Variants in SLC24A2 observed in about 807,000 individuals in gnomAD.
SLC24A2 encodes the protein solute carrier family 24 member 2.
In SLC24A2, 36 loss-of-function variants were observed where a neutral mutation model predicts 62.0. That is an observed-to-expected ratio of 0.58 (90% CI 0.44 to 0.77). SLC24A2 has a LOEUF of 0.77. Among genes scored for constraint, SLC24A2 ranks in the 30% least tolerant of loss-of-function variants. SLC24A2 has a pLI of 0.00. For missense variants in SLC24A2, 846 were observed against 817.9 expected (o/e 1.03, Z -0.42); for synonymous variants, 358 against 294.0 (o/e 1.22, Z -2.23).
the SLC24A2 span, among the ~76,000 whole-genome samples, chr9:19,880,002 T>A: frequency 6.6e-6 from 1 of 152,090 alleles, no homozygotes; most frequent in Non-Finnish European, 1.5e-5. Context: ...CATGAAGAAG[T>A]AAAAAAATAA....
intron 8 of SLC24A2, among the ~76,000 whole-genome samples, chr9:19,534,809 C>A (rs966016317): frequency 1.3e-5 from 2 of 152,088 alleles, no homozygotes; most frequent in African/African-American, 4.8e-5. Flanking sequence ...AATAGTGCCA[C>A]AATAAACATA....
chr9:20,179,160 T>C, the SLC24A2 span, among the ~76,000 whole-genome samples: 7 of 152,008 alleles, frequency 4.6e-5, no homozygotes, highest in African/African-American at 1.7e-4. Context: ...GAGAAGACCG[T>C]AGAAATCATG....
At chr9:20,074,105 G>A in the SLC24A2 span, among the ~76,000 whole-genome samples, 2 of 151,924 alleles carry the variant, frequency 1.3e-5, no homozygotes, top group African/African-American at 4.8e-5. Flanking sequence ...ATTCTCATTT[G>A]AAGCTCTACC....
chr9:19,989,708 A>G, the SLC24A2 span, among the ~76,000 whole-genome samples: 1 of 152,220 alleles, frequency 6.6e-6, no homozygotes, highest in African/African-American at 2.4e-5. Flanking sequence ...AAAGGAACCT[A>G]GACAACTACA....
At chr9:20,024,684 G>A in the SLC24A2 span, among the ~76,000 whole-genome samples, 1 of 152,162 alleles carries the variant, frequency 6.6e-6, no homozygotes, top group African/African-American at 2.4e-5. Context: ...GTGTTCACTT[G>A]TGTGTGCGTG....
At chr9:19,609,270 T>G (rs1000796413) in intron 4 of SLC24A2, among the ~76,000 whole-genome samples, 3 of 152,234 alleles carry the variant, frequency 2.0e-5, no homozygotes, top group African/African-American at 7.2e-5. Flanking sequence ...GAAGCCCCTC[T>G]CCTGCCCCGC....
the SLC24A2 span, among the ~76,000 whole-genome samples, chr9:20,182,637 G>C: frequency 6.6e-6 from 1 of 152,132 alleles, no homozygotes; most frequent in South Asian, 2.1e-4. Flanking sequence ...GCCTGTCGGG[G>C]CGGGGGTGCT....
At chr9:20,141,628 C>T in the SLC24A2 span, among the ~76,000 whole-genome samples, 3,310 of 151,662 alleles carry the variant, frequency 0.022, 55 homozygotes, top group South Asian at 0.076. Context: ...AGTATATCAC[C>T]ACCACACACC....
At chr9:20,239,304 T>C in the SLC24A2 span, among the ~76,000 whole-genome samples, 1 of 152,270 alleles carries the variant, frequency 6.6e-6, no homozygotes, top group African/African-American at 2.4e-5. Context: ...TGGGACATTA[T>C]AATAAAATTT....
At chr9:19,901,916 G>C in the SLC24A2 span, among the ~76,000 whole-genome samples, 1 of 152,168 alleles carries the variant, frequency 6.6e-6, no homozygotes, top group Non-Finnish European at 1.5e-5. Flanking sequence ...GCAGTGAATT[G>C]AATGTGACTG....
the SLC24A2 span, among the ~76,000 whole-genome samples, chr9:20,286,790 TC>T: frequency 1.3e-5 from 2 of 152,130 alleles, no homozygotes; most frequent in African/African-American, 4.8e-5. Context: ...AACAGGACTC[TC>T]CTGAACAAAG....
chr9:20,074,953 T>C, the SLC24A2 span, among the ~76,000 whole-genome samples: 59 of 152,288 alleles, frequency 3.9e-4, no homozygotes, highest in African/African-American at 1.3e-3. Flanking sequence ...TAATATGTTA[T>C]GGGATTTTTG....
the SLC24A2 span, among the ~76,000 whole-genome samples, chr9:19,917,501 T>A: frequency 6.6e-6 from 1 of 152,054 alleles, no homozygotes; most frequent in South Asian, 2.1e-4. Context: ...CAGTATTCAT[T>A]TACCCATCCA....
intron 2 of SLC24A2, among the ~76,000 whole-genome samples, chr9:19,747,912 C>A: frequency 6.6e-6 from 1 of 152,104 alleles, no homozygotes; most frequent in Admixed American, 6.6e-5. Flanking sequence ...AACTGAGGCA[C>A]AAAGAGGTTA....
intron 2 of SLC24A2, among the ~76,000 whole-genome samples, chr9:19,695,082 G>A (rs1272367903): frequency 6.6e-6 from 1 of 150,862 alleles, no homozygotes; most frequent in Admixed American, 6.6e-5. Flanking sequence ...ATGGGGCGGG[G>A]GTGGGCTTCC....
the SLC24A2 span, among the ~76,000 whole-genome samples, chr9:20,274,363 G>A: frequency 7.2e-5 from 11 of 152,258 alleles, no homozygotes; most frequent in South Asian, 4.1e-4. Flanking sequence ...ATTTTAGCTC[G>A]CATGAAGGAC....
chr9:20,021,470 T>G, the SLC24A2 span, among the ~76,000 whole-genome samples: 1 of 151,912 alleles, frequency 6.6e-6, no homozygotes, highest in Non-Finnish European at 1.5e-5. Flanking sequence ...TCCAAATAGA[T>G]CCACAAAAGC....
intron 2 of SLC24A2, among the ~76,000 whole-genome samples, chr9:19,759,483 A>G (rs959138410): frequency 6.6e-6 from 1 of 152,220 alleles, no homozygotes; most frequent in African/African-American, 2.4e-5. Context: ...AAGCAGAACA[A>G]TATTCTTTAG....
chr9:20,246,901 A>G, the SLC24A2 span, among the ~76,000 whole-genome samples: 1 of 152,234 alleles, frequency 6.6e-6, no homozygotes. Context: ...CACCAATGCA[A>G]CTACTGAGTG....
Sources: allele counts gnomAD v4.1 joint callset (sites outside exome capture counted in the v4.1 genomes callset), GRCh38; gene constraint gnomAD v4.1.1; transcripts MANE v1.5; gene names NCBI Gene and HGNC (gene_info 2026-07-23, HGNC 2026-07-21).